The following CEMIP2 variants were observed in gnomAD, a reference collection of about 807,000 sequenced individuals.
CEMIP2 encodes cell surface hyaluronidase CEMIP2.
CEMIP2 carries 79 observed loss-of-function variants against 146.9 expected under a neutral mutation model. The observed-to-expected ratio is 0.54, with a 90% CI of 0.45 to 0.65. CEMIP2 has a LOEUF of 0.65. Among genes scored for constraint, CEMIP2 ranks in the 30% least tolerant of loss-of-function variants. The pLI is 0.00. For missense variants in CEMIP2, 1,596 were observed against 1,696.2 expected (o/e 0.94, Z 1.04); for synonymous variants, 601 against 606.3 (o/e 0.99, Z 0.13).
At chr9:71,727,934 G>T (rs1283747143) in intron 10 of CEMIP2, among the ~76,000 whole-genome samples, 2 of 151,980 alleles carry the variant, frequency 1.3e-5, no homozygotes, top group African/African-American at 4.8e-5. Context: ...GGTGGCAGGG[G>T]CCTGTAATCC....
chr9:71,692,364 CAT>C (rs1563993243), intron 21 of CEMIP2, among the ~76,000 whole-genome samples: 2 of 77,548 alleles, frequency 2.6e-5, no homozygotes, highest in African/African-American at 1.3e-4. Context: ...CTCTACCCCC[CAT>C]CTCTCTCTCT....
At chr9:71,717,053 T>C (rs1006872375) in intron 13 of CEMIP2, among the ~76,000 whole-genome samples, 5 of 152,156 alleles carry the variant, frequency 3.3e-5, no homozygotes, top group African/African-American at 9.7e-5. Flanking sequence ...ATGCCTGTGG[T>C]CCCAGCTACT....
At chr9:71,702,857 C>T (rs1265327928) in intron 18 of CEMIP2, among the ~76,000 whole-genome samples, 1 of 152,036 alleles carries the variant, frequency 6.6e-6, no homozygotes, top group East Asian at 1.9e-4. Context: ...AATGTCTTTA[C>T]TTGCTCAGTA....
At chr9:71,723,446 C>G (rs1253362189) in intron 11 of CEMIP2, among the ~76,000 whole-genome samples, 1 of 151,188 alleles carries the variant, frequency 6.6e-6, no homozygotes, top group African/African-American at 2.4e-5. Flanking sequence ...GCCATACTAA[C>G]AGTGGAAAAC....
intron 1 of CEMIP2, among the ~76,000 whole-genome samples, chr9:71,767,915 A>C (rs899363469): frequency 6.6e-6 from 1 of 152,208 alleles, no homozygotes; most frequent in African/African-American, 2.4e-5. Context: ...CGGACTGCAA[A>C]GCACATTCCA....
chr9:71,755,231 C>A (rs1292531755), intron 1 of CEMIP2, among the ~76,000 whole-genome samples: 3 of 143,578 alleles, frequency 2.1e-5, no homozygotes, highest in African/African-American at 7.9e-5. Flanking sequence ...ATGATTTTGG[C>A]CAAGCAAGGT....
chr9:71,709,355 A>T lies in CEMIP2; in HGVS notation c.2889T>A (p.Ala963=). The change falls in exon 17 of 24, where the codon GCT becomes GCA. Residue 963 remains alanine (A), a synonymous_variant. Transcript: ENST00000377044. ...IDGSVTGYKD[A]YVGRMDNYLI... ...GGTAGTTGTCCATTCTTCCCACATA[A>T]GCATCCTTGTATCCTGTCACAGAGC... 1 of 1,614,162 alleles carries T rather than the reference A, an allele frequency of 6.2e-7. No homozygotes were observed. Among genetic ancestry groups the T allele is most frequent in the Non-Finnish European group, 8.5e-7 (1 of 1,180,016 alleles).
chr9:71,746,514 C>T (rs1484716927), intron 2 of CEMIP2, among the ~76,000 whole-genome samples, 173 bp from the exon 3 acceptor site: 1 of 146,968 alleles, frequency 6.8e-6, no homozygotes, highest in African/African-American at 2.5e-5. Context: ...ACCATCTTAC[C>T]CTTTAATTTG....
At chr9:71,764,767 G>C (rs1824737989) in intron 1 of CEMIP2, among the ~76,000 whole-genome samples, 1 of 152,308 alleles carries the variant, frequency 6.6e-6, no homozygotes, top group Admixed American at 6.5e-5. Flanking sequence ...ACTAAAGCGA[G>C]TATTGCTAAC....
intron 1 of CEMIP2, among the ~76,000 whole-genome samples, chr9:71,757,921 G>T (rs184629291): frequency 2.2e-4 from 34 of 152,190 alleles, no homozygotes; most frequent in African/African-American, 8.2e-4. Flanking sequence ...CTCTAATTCC[G>T]CAAGTTTCAA....
Position 71,750,133 on chromosome 9 carries a change from T to A in CEMIP2, c.241A>T (p.Asn81Tyr), listed in dbSNP as rs1393621529. The stretch of plus-strand genomic sequence containing the variant: ...GTAATAGCAAAACAAATGAAAGTAT[T>A]TTTGTGTCTCTTTTGCTTTTGACTT... ...RESQKQKRHK[N>Y]TFICFAITSF... The change falls in exon 2 of 24, where the codon AAT becomes TAT. Residue 81 changes from asparagine to tyrosine, a missense_variant. Physicochemically the swap from Asn to Tyr is moderately radical, Grantham distance 143. Coordinates refer to ENST00000377044, the MANE Select transcript of CEMIP2 (RefSeq NM_013390.3). 2 of 1,613,804 alleles carry A rather than the reference T, an allele frequency of 1.2e-6. No individual in the cohort carries two copies. The highest frequency in any genetic ancestry group is 1.7e-6 in the Non-Finnish European group (2 of 1,179,972).
At chr9:71,725,965 A>G (rs1431840147) in intron 10 of CEMIP2, among the ~76,000 whole-genome samples, 1 of 152,228 alleles carries the variant, frequency 6.6e-6, no homozygotes, top group Non-Finnish European at 1.5e-5. Flanking sequence ...ATAAAAATTC[A>G]CTTTCAAAAC....
At chr9:71,756,616 A>G (rs1266080608) in intron 1 of CEMIP2, among the ~76,000 whole-genome samples, 2 of 151,972 alleles carry the variant, frequency 1.3e-5, no homozygotes, top group Non-Finnish European at 2.9e-5. Flanking sequence ...GGCTCTGGGC[A>G]ATTTGACTAA....
rs535483173 is a variant in CEMIP2 at position 71,702,456 on chromosome 9, A to C, written c.3195-1632T>G. Reference sequence around the variant, plus strand: ...ATGGGGTAAGGGGGGTAGTTAAAAAAATTATGGCACATCCATAGACACAAA... The same window carrying C: ...ATGGGGTAAGGGGGGTAGTTAAAAACATTATGGCACATCCATAGACACAAA... On this transcript the variant is annotated intron_variant, in intron 18 of 23. Coordinates refer to ENST00000377044, the MANE Select transcript of CEMIP2 (RefSeq NM_013390.3). Among the ~76,000 whole-genome samples, 27 of 152,174 alleles carry C rather than the reference A, an allele frequency of 1.8e-4. No individual in the cohort carries two copies. The East Asian group carries it at 4.6e-3, about 26-fold the overall frequency.
chr9:71,719,720 T>C (rs1337086380), intron 12 of CEMIP2, among the ~76,000 whole-genome samples: 1 of 151,568 alleles, frequency 6.6e-6, no homozygotes, highest in African/African-American at 2.4e-5. Context: ...GTAAAAAGTT[T>C]GACTCTAAGC....
At chr9:71,687,646 C>T (rs1822106372) in intron 22 of CEMIP2, among the ~76,000 whole-genome samples, 1 of 151,840 alleles carries the variant, frequency 6.6e-6, no homozygotes, top group Admixed American at 6.6e-5. Context: ...CTGGGAAACA[C>T]AGCAAAACTC....
intron 1 of CEMIP2, among the ~76,000 whole-genome samples, chr9:71,767,361 C>G (rs1224989017): frequency 6.6e-6 from 1 of 152,150 alleles, no homozygotes; most frequent in African/African-American, 2.4e-5. Context: ...TGTGCAGCAG[C>G]GCATCACTCT....
Position 71,722,435 on chromosome 9 carries a change from A to G in CEMIP2, c.2259T>C (p.Asn753=), listed in dbSNP as rs754118553. The G allele has an allele frequency of 1.2e-6, 2 of 1,612,682 alleles. No individual in the cohort carries two copies. Among genetic ancestry groups the G allele is most frequent in the East Asian group, 2.2e-5 (1 of 44,836 alleles). The change falls in exon 12 of 24, where the codon AAT becomes AAC. Residue 753 remains asparagine, a synonymous_variant. Coordinates refer to ENST00000377044, the MANE Select transcript of CEMIP2 (RefSeq NM_013390.3). ...ADPREYLCLD[N]SARFRPHQDA... ...AAAAGAGCCAGCTTTACCTTGCACT[A>G]TTGTCCAAACAGAGGTATTCCCTTG...
At chr9:71,716,612 AT>A (rs1169235283) in intron 13 of CEMIP2, 60 bp from the exon 14 acceptor site, 25 of 1,341,052 alleles carry the variant, frequency 1.9e-5, no homozygotes, top group Non-Finnish European at 2.6e-5. Flanking sequence ...AAAAGAGGTA[AT>A]TCTCTCAATA....
Sources: allele counts gnomAD v4.1 joint callset (sites outside exome capture counted in the v4.1 genomes callset), GRCh38; gene constraint gnomAD v4.1.1; transcripts MANE v1.5; gene names NCBI Gene and HGNC (gene_info 2026-07-23, HGNC 2026-07-21).